Variants in TNNI3K observed in about 807,000 individuals in gnomAD.
TNNI3K encodes the protein TNNI3 interacting kinase.
A neutral mutation model predicts 114.5 loss-of-function variants in TNNI3K; 140 were observed. That is an observed-to-expected ratio of 1.22 (90% CI 1.07 to 1.41). TNNI3K has a LOEUF of 1.41. Among genes scored for constraint, TNNI3K ranks in the 40% most tolerant of loss-of-function variants. The probability of loss-of-function intolerance (pLI) is 0.00; values close to 1 mark genes in which losing one functional copy is unlikely to be tolerated. For synonymous variants in TNNI3K, 347 were observed against 347.5 expected (o/e 1.00, Z 0.02); for missense variants, 1,125 against 1,007.6 (o/e 1.12, Z -1.58).
chr1:74,255,454 G>C (rs1655225607), intron 4 of TNNI3K, among the ~76,000 whole-genome samples: 2 of 151,708 alleles, frequency 1.3e-5, no homozygotes, highest in South Asian at 4.2e-4. Flanking sequence ...AAATGGAGTT[G>C]TTCACTCTGG....
At chr1:74,518,197 G>A (rs1474634070) in intron 23 of TNNI3K, among the ~76,000 whole-genome samples, 1 of 152,132 alleles carries the variant, frequency 6.6e-6, no homozygotes, top group Non-Finnish European at 1.5e-5. Flanking sequence ...GAGAGGGTTT[G>A]CTGATCAATG....
chr1:74,303,726 G>C (rs1658463704), intron 5 of TNNI3K, among the ~76,000 whole-genome samples: 1 of 152,198 alleles, frequency 6.6e-6, no homozygotes, highest in Non-Finnish European at 1.5e-5. Flanking sequence ...CATAGATAGT[G>C]ATTCCTCTGA....
chr1:74,354,106 G>T lies in TNNI3K; in HGVS notation c.1154G>T (p.Cys385Phe). 6.2e-7 allele frequency: 1 copy of T among 1,614,014 alleles called. No individual in the cohort carries two copies. The change falls in exon 11 of 25, where the codon TGT becomes TTT. Residue 385 changes from cysteine to phenylalanine, a missense_variant. Coordinates refer to ENST00000326637, the MANE Select transcript of TNNI3K (RefSeq NM_015978.3). Reference sequence around the variant, plus strand: ...AGTGGTGAAAAAGATGAGCAGACATGTTTGATGTGGGCTTATGAAAAAGGT... The same window carrying T: ...AGTGGTGAAAAAGATGAGCAGACATTTTTGATGTGGGCTTATGAAAAAGGT... ...RSSGEKDEQT[C>F]LMWAYEKGHD...
intron 23 of TNNI3K, among the ~76,000 whole-genome samples, chr1:74,517,164 A>C (rs892831016): frequency 2.0e-5 from 3 of 152,170 alleles, no homozygotes; most frequent in African/African-American, 4.8e-5. Context: ...CACTTTCTAT[A>C]TGCAACATAT....
At chr1:74,429,477 T>C (rs1379558675) in intron 17 of TNNI3K, among the ~76,000 whole-genome samples, 1 of 152,100 alleles carries the variant, frequency 6.6e-6, no homozygotes, top group Non-Finnish European at 1.5e-5. Flanking sequence ...TATGTTCAGG[T>C]ATCCCATTGA....
chr1:74,533,869 A>T (rs1646625632), intron 23 of TNNI3K, among the ~76,000 whole-genome samples: 1 of 152,196 alleles, frequency 6.6e-6, no homozygotes, highest in Non-Finnish European at 1.5e-5. Flanking sequence ...CAATGAGAAG[A>T]CATGTGCTAT....
chr1:74,396,703 T>G (rs1664099910), intron 17 of TNNI3K, among the ~76,000 whole-genome samples: 1 of 152,138 alleles, frequency 6.6e-6, no homozygotes, highest in Admixed American at 6.5e-5. Context: ...ATACAAGTCC[T>G]TAGGGAGCTA....
At chr1:74,483,777 T>C (rs1668616952) in intron 21 of TNNI3K, among the ~76,000 whole-genome samples, 1 of 152,184 alleles carries the variant, frequency 6.6e-6, no homozygotes, top group African/African-American at 2.4e-5. Flanking sequence ...GGTAGGTATT[T>C]AACCAAGTCT....
rs545420062 is a variant in TNNI3K, at chr1:74,414,364, G to T, written c.1773-21716G>T. Among the ~76,000 whole-genome samples the T allele has an allele frequency of 3.3e-5, 5 of 152,164 alleles. No individual in the cohort carries two copies. In the East Asian group the frequency reaches 7.7e-4, roughly 24 times the overall value. ...AAATTATAACAATAAAATAAACATAGGACCATTTATCTGGCATACTAATTT... is the reference window on the plus strand; with the variant it reads ...AAATTATAACAATAAAATAAACATATGACCATTTATCTGGCATACTAATTT... On this transcript the variant is annotated intron_variant, in intron 17 of 24. Transcript: ENST00000326637.
chr1:74,414,069 C>T (rs1319483642), intron 17 of TNNI3K, among the ~76,000 whole-genome samples: 1 of 152,116 alleles, frequency 6.6e-6, no homozygotes, highest in Non-Finnish European at 1.5e-5. Flanking sequence ...TCATCAAATA[C>T]ATACAGAGTG....
rs556465619 is a variant in TNNI3K, at chr1:74,438,782, G to A, written c.1879-708G>A. 1.0e-3 allele frequency among the ~76,000 whole-genome samples: 157 copies of A among 152,170 alleles called. 1 individual carries two copies. The highest frequency in any genetic ancestry group is 3.5e-3 in the African/African-American group (147 of 41,532). ...TGAAAAGAATGTAAATAATGTCATCGAAACAGAGGCTAGAACTTTGTACGG... is the reference window on the plus strand; with the variant it reads ...TGAAAAGAATGTAAATAATGTCATCAAAACAGAGGCTAGAACTTTGTACGG... On this transcript the variant is annotated intron_variant, in intron 19 of 24. Transcript: ENST00000326637.
intron 5 of TNNI3K, among the ~76,000 whole-genome samples, chr1:74,308,015 G>A (rs771306579): frequency 1.1e-4 from 16 of 151,672 alleles, no homozygotes; most frequent in Non-Finnish European, 2.2e-4. Flanking sequence ...CCAGCCTGGA[G>A]ACAGAGCAAG....
chr1:74,319,891 T>C (rs548773945), intron 5 of TNNI3K, among the ~76,000 whole-genome samples: 19 of 152,290 alleles, frequency 1.2e-4, no homozygotes, highest in African/African-American at 3.6e-4. Context: ...AAAACTTGGC[T>C]CCAAGAGCAA....
At chr1:74,309,693 A>T (rs573835531) in intron 5 of TNNI3K, among the ~76,000 whole-genome samples, 4 of 152,156 alleles carry the variant, frequency 2.6e-5, no homozygotes, top group Non-Finnish European at 5.9e-5. Context: ...CCTAAACAGA[A>T]TTGACAACCA....
chr1:74,399,993 T>C (rs891111011), intron 17 of TNNI3K, among the ~76,000 whole-genome samples: 2 of 152,242 alleles, frequency 1.3e-5, no homozygotes, highest in African/African-American at 2.4e-5. Flanking sequence ...AGCCCTGTGC[T>C]GGCTGGAATG....
At chr1:74,429,889 A>T (rs1222815648) in intron 17 of TNNI3K, among the ~76,000 whole-genome samples, 1 of 152,142 alleles carries the variant, frequency 6.6e-6, no homozygotes, top group Non-Finnish European at 1.5e-5. Context: ...AGTGGCTTAT[A>T]GGAAGCCTGG....
chr1:74,239,157 A>G (rs1210097253), intron 2 of TNNI3K, among the ~76,000 whole-genome samples: 4 of 152,098 alleles, frequency 2.6e-5, no homozygotes, highest in African/African-American at 9.7e-5. Flanking sequence ...AGAATCAAAA[A>G]CAAGCAAGCA....
At chr1:74,492,755 G>A (rs767392483) in intron 23 of TNNI3K, among the ~76,000 whole-genome samples, 13 of 152,252 alleles carry the variant, frequency 8.5e-5, no homozygotes, top group Non-Finnish European at 1.6e-4. Flanking sequence ...ACCAAAAGGT[G>A]GAAACAACCC....
intron 20 of TNNI3K, among the ~76,000 whole-genome samples, chr1:74,445,377 C>A (rs1345802139): frequency 9.6e-6 from 1 of 103,702 alleles, no homozygotes; most frequent in African/African-American, 3.7e-5. Flanking sequence ...CCCCTCCCCC[C>A]ACCCCACAAC....
Sources: allele counts gnomAD v4.1 joint callset (sites outside exome capture counted in the v4.1 genomes callset), GRCh38; gene constraint gnomAD v4.1.1; transcripts MANE v1.5; gene names NCBI Gene and HGNC (gene_info 2026-07-23, HGNC 2026-07-21).